KLHL6: variants seen among roughly 807,000 people sequenced by gnomAD.
KLHL6 encodes the protein kelch like family member 6.
A neutral mutation model predicts 58.6 loss-of-function variants in KLHL6; 41 were observed. That is an observed-to-expected ratio of 0.70 (90% CI 0.55 to 0.91). KLHL6 has a LOEUF of 0.91. Among genes scored for constraint, KLHL6 ranks in the 40% least tolerant of loss-of-function variants. The pLI, the probability that KLHL6 is intolerant of heterozygous loss-of-function variation, is 0.00. For synonymous variants in KLHL6, 338 were observed against 322.7 expected (o/e 1.05, Z -0.51); for missense variants, 714 against 805.6 (o/e 0.89, Z 1.38).
intron 1 of KLHL6, among the ~76,000 whole-genome samples, chr3:183,552,646 A>C (rs1245581630): frequency 7.4e-6 from 1 of 135,338 alleles, no homozygotes; most frequent in Non-Finnish European, 1.5e-5. Context: ...TGAACCCTGG[A>C]GGCGGAGTTT....
intron 1 of KLHL6, among the ~76,000 whole-genome samples, chr3:183,553,388 G>A (rs917576224): frequency 6.6e-6 from 1 of 152,154 alleles, no homozygotes; most frequent in African/African-American, 2.4e-5. Context: ...TGATCAACTC[G>A]AGGGCACACA....
intron 3 of KLHL6, among the ~76,000 whole-genome samples, chr3:183,504,493 A>T (rs901687284): frequency 3.3e-5 from 5 of 152,182 alleles, no homozygotes; most frequent in African/African-American, 1.2e-4. Flanking sequence ...CTCTGCCCCC[A>T]GCACCTCGGA....
intron 4 of KLHL6, among the ~76,000 whole-genome samples, chr3:183,498,184 A>G (rs902414095): frequency 1.3e-5 from 2 of 152,186 alleles, no homozygotes; most frequent in Non-Finnish European, 1.5e-5. Context: ...CAGTGAGCCG[A>G]GATCACGCCA....
Position 183,508,312 on chromosome 3 carries a change from T to C in KLHL6, c.656A>G (p.His219Arg), listed in dbSNP as rs1037104670. Reference sequence around the variant, plus strand: ...AAGGTCATCACTCTTCAAGATGTGGTGCAGAGTGTCCACGGGCAGGTCAAG... The same window carrying C: ...AAGGTCATCACTCTTCAAGATGTGGCGCAGAGTGTCCACGGGCAGGTCAAG... Reference protein sequence around the residue: ...EFLDLPVDTLHHILKSDDLYV... With the variant: ...EFLDLPVDTLRHILKSDDLYV... The change falls in exon 3 of 7, where the codon CAC becomes CGC. Residue 219 changes from histidine to arginine, a missense_variant. His to Arg is a conservative substitution (Grantham distance 29). Coordinates refer to ENST00000341319, the MANE Select transcript of KLHL6 (RefSeq NM_130446.4). The C allele has an allele frequency of 6.2e-7, 1 of 1,614,118 alleles. No individual in the cohort carries two copies.
chr3:183,497,197 A>G (rs1215357058), intron 4 of KLHL6, among the ~76,000 whole-genome samples: 3 of 152,184 alleles, frequency 2.0e-5, no homozygotes, highest in Admixed American at 2.0e-4. Context: ...GGATAACCTG[A>G]GGTCAGGAGT....
Position 183,508,482 on chromosome 3 carries a change from G to A in KLHL6, c.486C>T (p.Ala162=), listed in dbSNP as rs116766487. Reference sequence around the variant, plus strand: ...GGTTCAAGGCTTCAGTGAGGAAGCTGGCACAGGCATCCACCATCCGCAGGA... The same window carrying A: ...GGTTCAAGGCTTCAGTGAGGAAGCTAGCACAGGCATCCACCATCCGCAGGA... ...FQFLRMVDAC[A]SFLTEALNPE... Residue 162 remains alanine, a synonymous_variant, in exon 3 of 7, where the codon GCC becomes GCT. Transcript: ENST00000341319. 876 of 1,614,010 alleles carry A rather than the reference G, an allele frequency of 5.4e-4. No homozygotes were observed. The African/African-American group carries it at 0.011, about 20-fold the overall frequency.
chr3:183,541,359 T>C (rs1177205561), intron 1 of KLHL6, among the ~76,000 whole-genome samples: 1 of 152,042 alleles, frequency 6.6e-6, no homozygotes, highest in South Asian at 2.1e-4. Flanking sequence ...TGGGGAGCAG[T>C]TATGAATCTA....
In KLHL6 at chr3:183,491,758, A is replaced by G. The variant is rs1717560997; in HGVS notation, c.*169T>C. 1.7e-5 allele frequency: 9 copies of G among 514,490 alleles called. No individual in the cohort carries two copies. Among genetic ancestry groups the G allele is most frequent in the Non-Finnish European group, 2.6e-5 (8 of 311,052 alleles). 31.9% of individuals were successfully genotyped at this position (514,490 alleles called of 1,614,324 possible). A position where few individuals can be genotyped will look rare whatever the true frequency, so the allele number is the denominator to read the frequency against. ...CATGCAAACATTCCTGGCCGGTCTC[A>G]AGTGACCCCAAACTGTGACTTCCAA... is the stretch of plus-strand genomic sequence containing the variant. On this transcript the variant is annotated 3_prime_UTR_variant, in exon 7 of 7. Transcript: ENST00000341319.
At chr3:183,546,911 CTTTT>C (rs397991831) in intron 1 of KLHL6, among the ~76,000 whole-genome samples, 4 of 132,740 alleles carry the variant, frequency 3.0e-5, no homozygotes, top group Non-Finnish European at 1.6e-5. Context: ...TGCCATAAGT[CTTTT>C]TTTTTTTTTT....
At chr3:183,554,324 T>C (rs574404642) in intron 1 of KLHL6, among the ~76,000 whole-genome samples, 1 of 152,184 alleles carries the variant, frequency 6.6e-6, no homozygotes, top group Non-Finnish European at 1.5e-5. Context: ...AAAGATATAT[T>C]GAGCATCTAC....
At chr3:183,528,722 G>T (rs1010180834) in intron 1 of KLHL6, among the ~76,000 whole-genome samples, 1 of 152,176 alleles carries the variant, frequency 6.6e-6, no homozygotes, top group Non-Finnish European at 1.5e-5. Context: ...AGTTGGACAG[G>T]TCATTTAATC....
chr3:183,536,014 T>A (rs912815255), intron 1 of KLHL6, among the ~76,000 whole-genome samples: 2 of 152,216 alleles, frequency 1.3e-5, no homozygotes, highest in Non-Finnish European at 2.9e-5. Context: ...GACCTCATGA[T>A]CTGCCCCCCT....
chr3:183,547,403 A>G (rs778599731), intron 1 of KLHL6, among the ~76,000 whole-genome samples: 22 of 152,172 alleles, frequency 1.4e-4, no homozygotes, highest in Non-Finnish European at 3.2e-4. Context: ...CTTTCTGATA[A>G]TGTTAACAGT....
At chr3:183,543,088 T>C (rs1414061737) in intron 1 of KLHL6, among the ~76,000 whole-genome samples, 1 of 150,630 alleles carries the variant, frequency 6.6e-6, no homozygotes, top group Non-Finnish European at 1.5e-5. Context: ...AGGTCAGGAG[T>C]TCAAGACCAG....
intron 1 of KLHL6, chr3:183,548,948 GA>G (rs1712816366): frequency 6.6e-6 from 1 of 151,696 alleles, no homozygotes. Flanking sequence ...TGAACAATGA[GA>G]ACACATGGAC....
chr3:183,532,823 C>T (rs1259983468), intron 1 of KLHL6, among the ~76,000 whole-genome samples: 1 of 152,104 alleles, frequency 6.6e-6, no homozygotes, highest in East Asian at 1.9e-4. Context: ...AATGGTGAGC[C>T]GTTGAAGGTT....
rs150224488 is a variant in KLHL6, at chr3:183,555,393, G to A, written c.261C>T (p.Arg87=). 19 of 1,613,982 alleles carry A rather than the reference G, an allele frequency of 1.2e-5. No homozygotes were observed. Among genetic ancestry groups the A allele is most frequent in the Admixed American group, 1.0e-4 (6 of 59,996 alleles). Residue 87 remains arginine (R), a synonymous_variant, in exon 1 of 7, where the codon CGC becomes CGT. Coordinates refer to ENST00000341319, the MANE Select transcript of KLHL6 (RefSeq NM_130446.4). ...CVDIQEFSCH[R]VVLAAASNYF... is the part of the protein sequence containing the mutation. ...AGTTGCTGGCTGCGGCAAGCACCAC[G>A]CGGTGGCAGGAGAATTCCTGAATGT...
At chr3:183,539,633 C>T (rs1417667465) in intron 1 of KLHL6, among the ~76,000 whole-genome samples, 2 of 150,126 alleles carry the variant, frequency 1.3e-5, no homozygotes, top group Admixed American at 6.7e-5. Flanking sequence ...TGCTTGAACC[C>T]GGGAGGCAGA....
chr3:183,534,905 T>C (rs1712307627), intron 1 of KLHL6, among the ~76,000 whole-genome samples: 1 of 149,206 alleles, frequency 6.7e-6, no homozygotes, highest in African/African-American at 2.5e-5. Context: ...TATGTATGTA[T>C]GTATGTATAT....
Sources: allele counts gnomAD v4.1 joint callset (sites outside exome capture counted in the v4.1 genomes callset), GRCh38; gene constraint gnomAD v4.1.1; transcripts MANE v1.5; gene names NCBI Gene and HGNC (gene_info 2026-07-23, HGNC 2026-07-21).